BRI3: variants seen among roughly 807,000 people sequenced by gnomAD.
The protein encoded by BRI3 is membrane protein BRI3.
BRI3 carries 6 observed loss-of-function variants against 12.8 expected under a neutral mutation model. The observed-to-expected ratio is 0.47, with a 90% confidence interval of 0.26 to 0.93. The LOEUF (loss-of-function observed/expected upper bound fraction) is 0.93, where lower values mean the gene tolerates loss of function less well. BRI3 is among the 40% of genes least tolerant of loss of function. BRI3 has a pLI of 0.15. For missense variants in BRI3, 134 were observed against 171.1 expected (o/e 0.78, Z 1.21); for synonymous variants, 91 against 76.1 (o/e 1.20, Z -1.02).
At chr7:98,303,433 C>T (rs1800507423), upstream of BRI3, among the ~76,000 whole-genome samples, 1 of 152,232 alleles carries the variant, frequency 6.6e-6, no homozygotes. Context: ...CCAACCCAGC[C>T]CGGGAGTGAT....
At chr7:98,290,632 G>A (rs555005547) in intron 2 of BRI3, among the ~76,000 whole-genome samples, 3 of 152,272 alleles carry the variant, frequency 2.0e-5, no homozygotes, top group Admixed American at 6.5e-5. Flanking sequence ...CCAAGTAGCC[G>A]GGACTACAGG....
upstream of BRI3, chr7:98,304,272 G>A (rs1453152390): frequency 6.2e-7 from 1 of 1,613,688 alleles, no homozygotes; most frequent in South Asian, 1.1e-5. Context: ...TCTCCTGTCG[G>A]CAGCTGCCCC....
exon 2 of BRI3, chr7:98,308,086 G>A (rs1344875501): frequency 1.4e-6 from 1 of 705,866 alleles, no homozygotes; most frequent in Non-Finnish European, 2.6e-6. Context: ...GAGAAACAGA[G>A]GCAGCGTGCA....
chr7:98,318,311 C>G, the BRI3 span, among the ~76,000 whole-genome samples: 1 of 152,156 alleles, frequency 6.6e-6, no homozygotes, highest in Non-Finnish European at 1.5e-5. Context: ...TCTCAAAGTT[C>G]CATCCAAAGC....
the BRI3 span, chr7:98,317,197 A>G: frequency 6.2e-7 from 1 of 1,614,026 alleles, no homozygotes; most frequent in Admixed American, 1.7e-5. Context: ...AAAAGAAAAC[A>G]AGATATTGTT....
chr7:98,304,081 A>T (rs1450339029), upstream of BRI3: 2 of 1,130,078 alleles, frequency 1.8e-6, no homozygotes, highest in East Asian at 5.9e-5. Flanking sequence ...CTCCCCGGGG[A>T]CACCACTCTC....
chr7:98,286,232 C>T (rs1799706948), intron 2 of BRI3, among the ~76,000 whole-genome samples: 1 of 152,188 alleles, frequency 6.6e-6, no homozygotes, highest in Admixed American at 6.5e-5. Flanking sequence ...GGATGGCCTT[C>T]TCCCTGGGCA....
At chr7:98,292,392 A>G, downstream of BRI3, 1 of 488,100 alleles carries the variant, frequency 2.0e-6, no homozygotes, top group Non-Finnish European at 3.7e-6. Context: ...TATTTTTAGT[A>G]GAGACTCCTG....
downstream of BRI3, chr7:98,293,164 G>A: frequency 3.4e-6 from 1 of 293,562 alleles, no homozygotes; most frequent in East Asian, 7.9e-5. Flanking sequence ...CATATCAGGT[G>A]CAGAAAGCCA....
exon 2 of BRI3, chr7:98,307,913 A>G: frequency 6.2e-7 from 1 of 1,613,338 alleles, no homozygotes; most frequent in South Asian, 1.1e-5. Context: ...GAGGGAGTGT[A>G]GCAGTAATGG....
chr7:98,320,160 G>C, the BRI3 span: 34 of 1,597,080 alleles, frequency 2.1e-5, no homozygotes, highest in Non-Finnish European at 2.9e-5. Context: ...ATTCATACCA[G>C]GTTTGAGATT....
At chr7:98,285,345 T>C (rs1285727424) in intron 2 of BRI3, among the ~76,000 whole-genome samples, 1 of 152,118 alleles carries the variant, frequency 6.6e-6, no homozygotes, top group African/African-American at 2.4e-5. Flanking sequence ...GTGACAGCCT[T>C]GGGCTTCCAG....
chr7:98,282,264 T>C, intron 1 of BRI3, 87 bp from the exon 2 acceptor site: 1 of 1,163,510 alleles, frequency 8.6e-7, no homozygotes, highest in Non-Finnish European at 1.2e-6. Flanking sequence ...TTTAGCGGGG[T>C]GGAGGTTGAG....
chr7:98,295,421 T>C (rs1270813609), downstream of BRI3, among the ~76,000 whole-genome samples: 1 of 152,234 alleles, frequency 6.6e-6, no homozygotes, highest in Non-Finnish European at 1.5e-5. Flanking sequence ...CAAAAGTGAC[T>C]TCCTGCGGGG....
At chr7:98,292,327 T>C (rs867783230), downstream of BRI3, 15 of 351,322 alleles carry the variant, frequency 4.3e-5, 1 homozygote, top group Middle Eastern at 8.7e-4. Flanking sequence ...GTTCAAGTGA[T>C]TCTCCTGCCT....
downstream of BRI3, among the ~76,000 whole-genome samples, chr7:98,311,904 C>T (rs748306250): frequency 1.3e-5 from 2 of 152,182 alleles, no homozygotes; most frequent in African/African-American, 4.8e-5. Flanking sequence ...AGAAAGACTC[C>T]ACCTTAACAA....
chr7:98,293,316 T>G, downstream of BRI3: 1 of 509,972 alleles, frequency 2.0e-6, no homozygotes, highest in Non-Finnish European at 3.5e-6. Flanking sequence ...GAGCTGGTCA[T>G]TAGACTATTA....
chr7:98,282,403 C>T lies in BRI3; in HGVS notation c.195C>T (p.Thr65=), dbSNP rs768418013. 3 of 1,614,136 alleles carry T rather than the reference C, an allele frequency of 1.9e-6. No homozygotes were observed. Among genetic ancestry groups the T allele is most frequent in the African/African-American group, 1.3e-5 (1 of 75,064 alleles). ...ACAACATCCACAGCCGGACCGTCAC[C>T]CGCTATCCTGCCAACTCTATCGTGG... The part of the protein sequence containing the change: ...RVYNIHSRTV[T]RYPANSIVVV... The change falls in exon 2 of 3, where the codon ACC becomes ACT. Residue 65 remains threonine (T), a synonymous_variant. Coordinates refer to ENST00000297290, the MANE Select transcript of BRI3 (RefSeq NM_015379.5).
At chr7:98,308,022 G>T in exon 2 of BRI3, 1 of 910,470 alleles carries the variant, frequency 1.1e-6, no homozygotes, top group Non-Finnish European at 1.8e-6. Flanking sequence ...CACGGAAACT[G>T]ACCCTGTCCT....
Sources: gnomAD v4.1 joint callset for allele counts (sites outside exome capture counted in the v4.1 genomes callset) on GRCh38, gnomAD v4.1.1 for gene constraint, MANE v1.5 for transcripts, NCBI Gene and HGNC (gene_info 2026-07-23, HGNC 2026-07-21) for gene names.